DPP6: variants seen among roughly 807,000 people sequenced by gnomAD.
DPP6 encodes the protein dipeptidyl peptidase like 6, also known as A-type potassium channel modulatory protein DPP6.
DPP6 carries 69 observed loss-of-function variants against 122.6 expected under a neutral mutation model. That is an observed-to-expected ratio of 0.56 (90% confidence interval 0.46 to 0.69). The LOEUF (loss-of-function observed/expected upper bound fraction) is 0.69. Among genes scored for constraint, DPP6 ranks in the 30% least tolerant of loss-of-function variants. The probability of loss-of-function intolerance (pLI) is 0.00; values close to 1 mark genes in which losing one functional copy is unlikely to be tolerated. For synonymous variants in DPP6, 418 were observed against 433.1 expected, an observed-to-expected ratio of 0.97 and a Z score of 0.43; for missense variants, 928 against 1,116.9, an observed-to-expected ratio of 0.83 and a Z score of 2.41.
chr7:154,347,657 T>C (rs566445608), intron 1 of DPP6, among the ~76,000 whole-genome samples: 2 of 152,320 alleles, frequency 1.3e-5, no homozygotes. Flanking sequence ...TTTTATTTTG[T>C]CCCTTTCAGA....
chr7:154,548,899 C>T (rs1829418886), intron 4 of DPP6, among the ~76,000 whole-genome samples: 1 of 152,172 alleles, frequency 6.6e-6, no homozygotes, highest in Non-Finnish European at 1.5e-5. Context: ...AGGAACATTT[C>T]AGCAGTCCTT....
chr7:154,262,655 CAAAA>C (rs200633251), intron 1 of DPP6, among the ~76,000 whole-genome samples: 50,260 of 129,162 alleles, frequency 0.39, 9,133 homozygotes, highest in Non-Finnish European at 0.49. Flanking sequence ...AAATGAAGTT[CAAAA>C]AAAAAAAAAA....
At chr7:154,107,641 T>G (rs573814636) in intron 1 of DPP6, among the ~76,000 whole-genome samples, 9 of 152,356 alleles carry the variant, frequency 5.9e-5, no homozygotes, top group African/African-American at 2.2e-4. Context: ...AAGCATTCCA[T>G]ATGTGTATAT....
the DPP6 span, among the ~76,000 whole-genome samples, chr7:153,759,658 A>G: frequency 8.5e-5 from 13 of 152,214 alleles, no homozygotes; most frequent in South Asian, 1.5e-3. Flanking sequence ...GATGCTTGCA[A>G]TGTGGATAAC....
intron 7 of DPP6, among the ~76,000 whole-genome samples, chr7:154,682,404 G>A (rs1163574655): frequency 4.6e-5 from 7 of 152,344 alleles, no homozygotes; most frequent in South Asian, 4.1e-4. Flanking sequence ...CTAGGACACC[G>A]AGGTGATCGT....
At chr7:154,775,059 T>C (rs1306534985) in intron 10 of DPP6, among the ~76,000 whole-genome samples, 2 of 152,220 alleles carry the variant, frequency 1.3e-5, no homozygotes, top group African/African-American at 4.8e-5. Flanking sequence ...CATTAGATGC[T>C]GTCATATCTG....
the DPP6 span, among the ~76,000 whole-genome samples, chr7:153,761,420 T>C: frequency 6.6e-6 from 1 of 152,244 alleles, no homozygotes; most frequent in Non-Finnish European, 1.5e-5. Context: ...ATATCTGACA[T>C]GAATTATTTG....
intron 5 of DPP6, chr7:154,587,211 C>A (rs75751576): frequency 0.01 from 2,157 of 209,818 alleles, 19 homozygotes; most frequent in Non-Finnish European, 0.014. Flanking sequence ...TGCTGCACTT[C>A]GGTGGACTCT....
At chr7:154,625,525 T>G (rs1320742867) in intron 5 of DPP6, among the ~76,000 whole-genome samples, 1 of 152,230 alleles carries the variant, frequency 6.6e-6, no homozygotes, top group Non-Finnish European at 1.5e-5. Flanking sequence ...TGGTTGTAAT[T>G]AAGCGCCAAA....
chr7:154,500,197 T>C (rs935300391), intron 3 of DPP6, among the ~76,000 whole-genome samples: 1 of 126,382 alleles, frequency 7.9e-6, no homozygotes, highest in Non-Finnish European at 1.6e-5. Context: ...AAAGCCACTT[T>C]GATCAGTGAT....
At chr7:154,239,831 A>G (rs1346035866) in intron 1 of DPP6, among the ~76,000 whole-genome samples, 1 of 150,984 alleles carries the variant, frequency 6.6e-6, no homozygotes, top group Non-Finnish European at 1.5e-5. Flanking sequence ...AAAAAAAAAA[A>G]AAAGAAAAAG....
intron 3 of DPP6, among the ~76,000 whole-genome samples, chr7:154,477,266 C>G (rs764094958): frequency 9.1e-6 from 1 of 109,956 alleles, no homozygotes; most frequent in Non-Finnish European, 1.9e-5. Flanking sequence ...ACCACCACCA[C>G]CAGCAGCACC....
the DPP6 span, among the ~76,000 whole-genome samples, chr7:153,857,625 C>G: frequency 1.3e-5 from 2 of 152,146 alleles, no homozygotes; most frequent in African/African-American, 4.8e-5. Flanking sequence ...CCAGCTGCCA[C>G]TGTTCATGCA....
chr7:154,450,549 G>C (rs1180629415), intron 2 of DPP6, among the ~76,000 whole-genome samples: 1 of 134,858 alleles, frequency 7.4e-6, no homozygotes, highest in South Asian at 2.3e-4. Flanking sequence ...TAACTCCAAA[G>C]AGGCTTCAGG....
Position 154,725,632 on chromosome 7 carries a change from T to TG in DPP6, c.763-2131dup, listed in dbSNP as rs536700181. On this transcript the variant is annotated intron_variant, in intron 7 of 25. Transcript: ENST00000377770. ...ATTACAATTTGACATGAGATTTGGG[T>TG]GGGGTCACAAATCCAAACCATATCA... Among the ~76,000 whole-genome samples, 100 of 152,230 alleles carry TG rather than the reference T, an allele frequency of 6.6e-4. 2 individuals are homozygous for TG. The South Asian group carries it at 0.021, about 31-fold the overall frequency.
At chr7:154,339,423 T>C (rs928178232) in intron 1 of DPP6, among the ~76,000 whole-genome samples, 7 of 152,188 alleles carry the variant, frequency 4.6e-5, no homozygotes, top group African/African-American at 1.7e-4. Context: ...TACGGTCCTC[T>C]CAGCGGAGCT....
intron 1 of DPP6, among the ~76,000 whole-genome samples, chr7:154,414,022 C>T (rs1816823133): frequency 2.0e-5 from 3 of 152,138 alleles, no homozygotes; most frequent in East Asian, 1.9e-4. Flanking sequence ...TTGAAGCCAT[C>T]GTGTCCATCA....
At chr7:154,592,473 G>A (rs1832859461) in intron 5 of DPP6, among the ~76,000 whole-genome samples, 1 of 152,224 alleles carries the variant, frequency 6.6e-6, no homozygotes, top group Non-Finnish European at 1.5e-5. Flanking sequence ...GACAGAGCCG[G>A]GGAAGCCCCT....
At chr7:154,575,442 G>GTGTGTGTATATGTGTGTGGTA (rs1831558822) in intron 5 of DPP6, among the ~76,000 whole-genome samples, 1 of 104,710 alleles carries the variant, frequency 9.6e-6, no homozygotes, top group Non-Finnish European at 1.8e-5. Context: ...TATGTGTGTG[G>GTGTGTGTATATGTGTGTGGTA]TGTGTGTATG....
Sources: gnomAD v4.1 joint callset for allele counts (sites outside exome capture counted in the v4.1 genomes callset) on GRCh38, gnomAD v4.1.1 for gene constraint, MANE v1.5 for transcripts, NCBI Gene and HGNC (gene_info 2026-07-23, HGNC 2026-07-21) for gene names.